The following PLEKHM2 variants were observed in gnomAD, a reference collection of about 807,000 sequenced individuals.
PLEKHM2 encodes pleckstrin homology domain-containing family M member 2.
Under a neutral mutation model 116.3 loss-of-function variants are expected in PLEKHM2, and 77 were observed. The observed-to-expected ratio is 0.66, with a 90% CI of 0.55 to 0.80. The LOEUF is 0.80. Among genes scored for constraint, PLEKHM2 ranks in the 30% least tolerant of loss-of-function variants. PLEKHM2 has a pLI of 0.00. For missense variants in PLEKHM2, 1,183 were observed against 1,354.9 expected (o/e 0.87, Z 1.99); for synonymous variants, 562 against 571.0 (o/e 0.98, Z 0.22).
chr1:15,708,373 C>T (rs1425909712), intron 1 of PLEKHM2, among the ~76,000 whole-genome samples: 1 of 151,538 alleles, frequency 6.6e-6, no homozygotes, highest in Non-Finnish European at 1.5e-5. Context: ...CACACCACCA[C>T]GCCCGGCTAA....
rs948500970 is a variant in PLEKHM2 at position 15,721,016 on chromosome 1, C to A, written c.653-313C>A. The A allele has an allele frequency of 6.7e-6, 2 of 297,650 alleles. No individual in the cohort carries two copies. Among genetic ancestry groups the A allele is most frequent in the Non-Finnish European group, 1.2e-5 (2 of 160,598 alleles). The allele number at this position is 297,650 out of a possible 1,614,324, so 18.4% of individuals were successfully genotyped here. On this transcript the variant is annotated intron_variant, in intron 6 of 19. Coordinates refer to ENST00000375799, the MANE Select transcript of PLEKHM2 (RefSeq NM_015164.4). The surrounding 1 kb of genome is among the most constrained non-coding windows in gnomAD (Gnocchi z 5.1). ...CCTGCTAGGGTATGGAGGGAAGGCA[C>A]GTAAGAGGTAGAAAACAAAGCTAGG...
chr1:15,688,779 A>G (rs746181163), intron 1 of PLEKHM2, among the ~76,000 whole-genome samples: 3 of 152,172 alleles, frequency 2.0e-5, no homozygotes, highest in Non-Finnish European at 4.4e-5. Flanking sequence ...TTTGTTAAAG[A>G]GAAATGTCCA....
At chr1:15,690,570 C>T (rs1019395900) in intron 1 of PLEKHM2, among the ~76,000 whole-genome samples, 2 of 152,136 alleles carry the variant, frequency 1.3e-5, no homozygotes, top group African/African-American at 4.8e-5. Flanking sequence ...GGCAGTAGTT[C>T]GCATACGACG....
intron 1 of PLEKHM2, among the ~76,000 whole-genome samples, chr1:15,698,549 CTTTTTTT>C (rs564918055): frequency 9.0e-6 from 1 of 111,226 alleles, no homozygotes; most frequent in South Asian, 2.7e-4. Flanking sequence ...TTCTTTCTTT[CTTTTTTT>C]TTTTTTTTTT....
intron 1 of PLEKHM2, among the ~76,000 whole-genome samples, chr1:15,702,788 A>C (rs905620266): frequency 2.9e-5 from 4 of 135,704 alleles, no homozygotes; most frequent in Non-Finnish European, 6.1e-5. Context: ...AGGTGTGATC[A>C]TGGCACATTG....
chr1:15,726,226 A>G, intron 8 of PLEKHM2, among the ~76,000 whole-genome samples: 1 of 152,236 alleles, frequency 6.6e-6, no homozygotes, highest in Non-Finnish European at 1.5e-5. Context: ...TCTGAGATTC[A>G]TTGAAAGAAA....
At chr1:15,708,115 C>T (rs544887245) in intron 1 of PLEKHM2, among the ~76,000 whole-genome samples, 1 of 152,128 alleles carries the variant, frequency 6.6e-6, no homozygotes, top group East Asian at 1.9e-4. Flanking sequence ...GAACTCCTGA[C>T]CTCAAGTGAT....
intron 1 of PLEKHM2, among the ~76,000 whole-genome samples, chr1:15,689,420 A>G (rs1341209647): frequency 6.6e-6 from 1 of 152,116 alleles, no homozygotes; most frequent in Non-Finnish European, 1.5e-5. Context: ...AAGATTGCCA[A>G]GGGTTCTGCA....
At chr1:15,690,058 G>C (rs1640858246) in intron 1 of PLEKHM2, among the ~76,000 whole-genome samples, 1 of 147,718 alleles carries the variant, frequency 6.8e-6, no homozygotes, top group Admixed American at 6.7e-5. Context: ...ACCCAGCCGA[G>C]GTTTTTTTTT....
chr1:15,713,337 T>G (rs1419366394), intron 1 of PLEKHM2, among the ~76,000 whole-genome samples: 1 of 152,190 alleles, frequency 6.6e-6, no homozygotes, highest in Non-Finnish European at 1.5e-5. Context: ...GGGGGATACG[T>G]GCACACCAAG....
chr1:15,733,100 G>A (rs1167598799), intron 19 of PLEKHM2, among the ~76,000 whole-genome samples: 2 of 152,262 alleles, frequency 1.3e-5, no homozygotes, highest in Non-Finnish European at 2.9e-5. Context: ...GGCCTTGGGT[G>A]ATTGAGGGTG....
intron 1 of PLEKHM2, among the ~76,000 whole-genome samples, chr1:15,705,261 C>T (rs1641202974): frequency 6.8e-6 from 1 of 147,840 alleles, no homozygotes; most frequent in Non-Finnish European, 1.5e-5. Flanking sequence ...TCACTGCAAC[C>T]TCTACCTCCC....
At chr1:15,726,550 C>T (rs774433243) in intron 8 of PLEKHM2, among the ~76,000 whole-genome samples, 147 of 152,178 alleles carry the variant, frequency 9.7e-4, no homozygotes, top group Non-Finnish European at 1.8e-3. Context: ...GAGTGGGACC[C>T]GGAGCGTGAG....
intron 1 of PLEKHM2, among the ~76,000 whole-genome samples, chr1:15,696,015 A>G (rs1025813021): frequency 4.1e-5 from 6 of 145,478 alleles, no homozygotes; most frequent in African/African-American, 1.5e-4. Flanking sequence ...GAGTTTTGCC[A>G]TGTCGCCTAG....
intron 1 of PLEKHM2, among the ~76,000 whole-genome samples, chr1:15,686,288 A>G (rs532392714): frequency 6.6e-6 from 1 of 152,244 alleles, no homozygotes; most frequent in African/African-American, 2.4e-5. Context: ...GTGTATCACA[A>G]CCAAAGCCAT....
chr1:15,724,993 C>T (rs1202604436), intron 7 of PLEKHM2, among the ~76,000 whole-genome samples: 1 of 152,188 alleles, frequency 6.6e-6, no homozygotes, highest in Non-Finnish European at 1.5e-5. Flanking sequence ...GCCTCGAAGT[C>T]ACCATTCCTA....
chr1:15,727,239 C>T lies in PLEKHM2; in HGVS notation c.1167C>T (p.Ser389=), dbSNP rs372659037. The T allele has an allele frequency of 2.2e-4, 349 of 1,602,922 alleles. No individual in the cohort carries two copies. Among genetic ancestry groups the T allele is most frequent in the Non-Finnish European group, 2.6e-4 (300 of 1,176,068 alleles). Residue 389 remains serine, a synonymous_variant, in exon 9 of 20, where the codon TCC becomes TCT. Transcript: ENST00000375799. This position sits in a 1 kb window ranked among gnomAD's most constrained non-coding sequence, Gnocchi z 7.5. ...PSSTTESSER[S]EPGLLIPEMK... is the part of the protein sequence containing the mutation. ...GCACCACGGAGAGCAGCGAGCGCTC[C>T]GAGCCGGGCCTGCTGATCCCTGAGA...
chr1:15,717,039 G>A (rs143261217), intron 3 of PLEKHM2, among the ~76,000 whole-genome samples: 191 of 152,330 alleles, frequency 1.3e-3, no homozygotes, highest in African/African-American at 4.4e-3. Context: ...GATGGCTTGA[G>A]GCCAGGAGTT....
chr1:15,696,451 A>G (rs1389717288), intron 1 of PLEKHM2, among the ~76,000 whole-genome samples: 1 of 152,140 alleles, frequency 6.6e-6, no homozygotes, highest in Admixed American at 6.6e-5. Flanking sequence ...CCTGGGTTCA[A>G]GCAATTCTCC....
Sources: gnomAD v4.1 joint callset for allele counts (sites outside exome capture counted in the v4.1 genomes callset) on GRCh38, gnomAD v4.1.1 for gene constraint, Gnocchi (gnomAD v3.1) non-coding constraint, MANE v1.5 for transcripts, NCBI Gene and HGNC (gene_info 2026-07-23, HGNC 2026-07-21) for gene names.